SLC9A2: variants seen among roughly 807,000 people sequenced by gnomAD.
SLC9A2 encodes solute carrier family 9 member A2, also known as sodium/hydrogen exchanger 2.
SLC9A2 carries 42 observed loss-of-function variants against 71.7 expected under a neutral mutation model. The ratio of observed to expected loss-of-function variants is 0.59; its 90% CI spans 0.46 to 0.76. SLC9A2 has a LOEUF of 0.76. SLC9A2 is among the 30% of genes least tolerant of loss of function. SLC9A2 has a pLI of 0.00. For missense variants in SLC9A2, 829 were observed against 1,017.4 expected (o/e 0.81, Z 2.52); for synonymous variants, 396 against 392.5 (o/e 1.01, Z -0.10).
At chr2:102,647,768 T>C (rs895763819) in intron 1 of SLC9A2, among the ~76,000 whole-genome samples, 21 of 152,156 alleles carry the variant, frequency 1.4e-4, no homozygotes, top group Non-Finnish European at 1.6e-4. Context: ...CCTGTTCACA[T>C]ACACCCTCCC....
chr2:102,705,478 A>AC (rs1408079144), intron 10 of SLC9A2, among the ~76,000 whole-genome samples: 1 of 151,960 alleles, frequency 6.6e-6, no homozygotes, highest in African/African-American at 2.4e-5. Flanking sequence ...GAAAAAAAAA[A>AC]CACCTTACAT....
chr2:102,691,899 G>A (rs1321463023), intron 5 of SLC9A2, among the ~76,000 whole-genome samples: 1 of 152,138 alleles, frequency 6.6e-6, no homozygotes, highest in Non-Finnish European at 1.5e-5. Flanking sequence ...ACAAAGACTC[G>A]TGACTCACCT....
chr2:102,642,042 TATA>T (rs10682813), intron 1 of SLC9A2, among the ~76,000 whole-genome samples: 56,734 of 149,606 alleles, frequency 0.38, 11,486 homozygotes, highest in East Asian at 0.68. Context: ...GAACTTAAAA[TATA>T]ATAATAATAA....
At chr2:102,637,308 T>A (rs570208110) in intron 1 of SLC9A2, among the ~76,000 whole-genome samples, 1 of 152,336 alleles carries the variant, frequency 6.6e-6, no homozygotes, top group East Asian at 1.9e-4. Context: ...TCCCTTGCCA[T>A]CTGTAGAGTC....
At chr2:102,687,850 C>G (rs962605883) in intron 5 of SLC9A2, among the ~76,000 whole-genome samples, 3 of 152,006 alleles carry the variant, frequency 2.0e-5, no homozygotes, top group Non-Finnish European at 2.9e-5. Flanking sequence ...ACGATCTTGG[C>G]TCACTGCAAC....
intron 1 of SLC9A2, among the ~76,000 whole-genome samples, chr2:102,627,417 C>G (rs1241320953): frequency 6.6e-6 from 1 of 152,106 alleles, no homozygotes; most frequent in Non-Finnish European, 1.5e-5. Flanking sequence ...AGATTTTAAC[C>G]AGTGAGTCCG....
In SLC9A2 at chr2:102,690,339, A is replaced by G. The variant is rs572804362; in HGVS notation, c.1426-4075A>G. On this transcript the variant is annotated intron_variant, in intron 5 of 11. Transcript: ENST00000233969. ...TGATGAGTGGCCTCTGCACAAGAGCACTTTGGGTCAGTGAGGAGAACAAAA... is the reference window on the plus strand; with the variant it reads ...TGATGAGTGGCCTCTGCACAAGAGCGCTTTGGGTCAGTGAGGAGAACAAAA... Among the ~76,000 whole-genome samples, 5 of 152,248 alleles carry G rather than the reference A, an allele frequency of 3.3e-5. No individual in the cohort carries two copies. The East Asian group carries it at 9.7e-4, about 29-fold the overall frequency.
intron 3 of SLC9A2, among the ~76,000 whole-genome samples, chr2:102,678,234 T>C (rs1316726805): frequency 1.3e-5 from 2 of 151,948 alleles, no homozygotes; most frequent in Non-Finnish European, 2.9e-5. Flanking sequence ...TCTTCCTAGA[T>C]CCCAGCACAG....
chr2:102,634,264 G>A (rs570401145), intron 1 of SLC9A2, among the ~76,000 whole-genome samples: 2 of 152,192 alleles, frequency 1.3e-5, no homozygotes, highest in South Asian at 4.1e-4. Flanking sequence ...TAATTGATTT[G>A]ATCACTGTAC....
At chr2:102,630,198 T>C (rs1558700545) in intron 1 of SLC9A2, among the ~76,000 whole-genome samples, 1 of 152,084 alleles carries the variant, frequency 6.6e-6, no homozygotes, top group Admixed American at 6.6e-5. Context: ...TCATTGTTAC[T>C]TTTTATCTCT....
intron 1 of SLC9A2, among the ~76,000 whole-genome samples, chr2:102,623,321 CAGGACAGAA>C (rs1238015804): frequency 2.0e-5 from 3 of 152,142 alleles, no homozygotes; most frequent in Non-Finnish European, 4.4e-5. Flanking sequence ...GTATATTTCT[CAGGACAGAA>C]AGTGGAGTTT....
chr2:102,673,936 C>T (rs1387414201), intron 3 of SLC9A2, among the ~76,000 whole-genome samples: 6 of 151,938 alleles, frequency 3.9e-5, no homozygotes, highest in South Asian at 2.1e-4. Flanking sequence ...TACAGGTGCC[C>T]GCCACCACGC....
intron 1 of SLC9A2, among the ~76,000 whole-genome samples, chr2:102,625,342 T>C (rs1017159424): frequency 2.0e-5 from 3 of 152,218 alleles, no homozygotes; most frequent in Non-Finnish European, 4.4e-5. Flanking sequence ...AAAATTATAC[T>C]TAAGTTCTAG....
rs113458874 is a variant in SLC9A2 at position 102,658,323 on chromosome 2, T to C, written c.753+296T>C. On this transcript the variant is annotated intron_variant, in intron 2 of 11. Transcript: ENST00000233969. ...GTCTGTGCTGACAAGGCCCTGTTCA[T>C]GCCAGAGGAACATATGATTTTGGCC... 1.4e-3 allele frequency among the ~76,000 whole-genome samples: 211 copies of C among 152,270 alleles called. 3 individuals are homozygous for C. Among genetic ancestry groups the C allele is most frequent in the African/African-American group, 4.8e-3 (199 of 41,558 alleles).
chr2:102,649,009 A>T (rs986486437), intron 1 of SLC9A2, among the ~76,000 whole-genome samples: 10 of 151,034 alleles, frequency 6.6e-5, no homozygotes, highest in Admixed American at 6.6e-4. Context: ...GAAACAAAAA[A>T]AGACAAGACA....
At chr2:102,685,621 ATGT>A (rs1573427177) in intron 5 of SLC9A2, among the ~76,000 whole-genome samples, 2 of 149,796 alleles carry the variant, frequency 1.3e-5, no homozygotes, top group African/African-American at 4.9e-5. Context: ...TGGATTAGAC[ATGT>A]TGTGAGGGAA....
At chr2:102,670,599 C>CAAAAAA (rs66543071) in intron 3 of SLC9A2, among the ~76,000 whole-genome samples, 10 of 79,978 alleles carry the variant, frequency 1.3e-4, no homozygotes, top group African/African-American at 2.9e-4. Flanking sequence ...CTCCCCCCAC[C>CAAAAAA]AAAAAAAAAA....
At position 102,708,813 on chromosome 2, in the gene SLC9A2, G is replaced by T. The variant is rs1246088241; in HGVS notation, c.*324G>T. ...TTTTTAACACATCCTTCTTGGTGAA[G>T]ATTTTAATATATTACTTATATGCTT... On this transcript the variant is annotated 3_prime_UTR_variant, in exon 12 of 12. Transcript: ENST00000233969. 1 of 266,638 alleles carries T rather than the reference G, an allele frequency of 3.8e-6. No homozygotes were observed. Among genetic ancestry groups the T allele is most frequent in the Non-Finnish European group, 7.1e-6 (1 of 140,578 alleles). The allele number at this position is 266,638 out of a possible 1,614,324, so 16.5% of individuals were successfully genotyped here.
chr2:102,696,808 G>T (rs533211552), intron 7 of SLC9A2, among the ~76,000 whole-genome samples: 1 of 152,240 alleles, frequency 6.6e-6, no homozygotes, highest in East Asian at 1.9e-4. Context: ...GGAACACAAG[G>T]TAATAAAATT....
Sources: gnomAD v4.1 joint callset for allele counts (sites outside exome capture counted in the v4.1 genomes callset) on GRCh38, gnomAD v4.1.1 for gene constraint, MANE v1.5 for transcripts, NCBI Gene and HGNC (gene_info 2026-07-23, HGNC 2026-07-21) for gene names.